The following SBF2 variants were observed in gnomAD, a reference collection of about 807,000 sequenced individuals.
The protein encoded by SBF2 is myotubularin-related protein 13.
In SBF2, 112 loss-of-function variants were observed where a neutral mutation model predicts 225.2. The ratio of observed to expected loss-of-function variants is 0.50; its 90% CI spans 0.43 to 0.58. The LOEUF is 0.58. Among genes scored for constraint, SBF2 ranks in the 20% least tolerant of loss-of-function variants. The probability of loss-of-function intolerance (pLI) is 0.00; values close to 1 mark genes in which losing one functional copy is unlikely to be tolerated. For missense variants in SBF2, 1,996 were observed against 2,206.2 expected (o/e 0.90, Z 1.91); for synonymous variants, 763 against 773.3 (o/e 0.99, Z 0.22).
At chr11:9,992,616 T>G (rs1361447587) in intron 11 of SBF2, 73 bp from the exon 12 acceptor site, 2 of 1,429,528 alleles carry the variant, frequency 1.4e-6, no homozygotes, top group African/African-American at 2.9e-5. Flanking sequence ...AGAAATACAA[T>G]AAAAAGATCA....
chr11:10,095,767 CTTTTAATCACACGTACTGA>C (rs1336046221), intron 2 of SBF2, among the ~76,000 whole-genome samples: 1 of 152,078 alleles, frequency 6.6e-6, no homozygotes, highest in Non-Finnish European at 1.5e-5. Context: ...ACACGTACTG[CTTTTAATCACACGTACTGA>C]TTTTAATCAC....
chr11:10,265,712 T>C (rs1200193353), intron 1 of SBF2, among the ~76,000 whole-genome samples: 1 of 152,028 alleles, frequency 6.6e-6, no homozygotes, highest in African/African-American at 2.4e-5. Flanking sequence ...TGAGACAGGG[T>C]CTCGCTCTGT....
intron 13 of SBF2, among the ~76,000 whole-genome samples, chr11:9,983,205 C>T (rs1303489088): frequency 6.6e-6 from 1 of 152,178 alleles, no homozygotes; most frequent in African/African-American, 2.4e-5. Flanking sequence ...GCCCGTCTTG[C>T]CCTCTGCCTG....
chr11:9,980,596 T>TC (rs903885068), intron 13 of SBF2, among the ~76,000 whole-genome samples: 1 of 152,146 alleles, frequency 6.6e-6, no homozygotes, highest in Admixed American at 6.5e-5. Flanking sequence ...AGAATTTTTT[T>TC]TTTTTTTTAA....
chr11:9,804,629 G>A (rs1344111641), intron 32 of SBF2, among the ~76,000 whole-genome samples: 1 of 152,146 alleles, frequency 6.6e-6, no homozygotes, highest in Admixed American at 6.5e-5. Context: ...CTGGTCCCAG[G>A]CAGTCACTGA....
rs191252079 is a variant in SBF2, at chr11:10,304,430, C to A, written n.386+62G>T. Among the ~76,000 whole-genome samples, 6 of 152,362 alleles carry A rather than the reference C, an allele frequency of 3.9e-5. No homozygotes were observed. The East Asian group carries it at 9.6e-4, about 24-fold the overall frequency. ...AATTCTGAAATTTCAGATAATTCCC[C>A]CCTCCAAATCCCAATTCTCAATTTA... On this transcript the variant is annotated intron_variant and non_coding_transcript_variant, in intron 1 of 5. Coordinates refer to the SBF2 transcript ENST00000685217.
chr11:10,235,968 G>C (rs1011433420), intron 1 of SBF2, among the ~76,000 whole-genome samples: 2 of 152,118 alleles, frequency 1.3e-5, no homozygotes, highest in African/African-American at 4.8e-5. Context: ...CTACTCAGGA[G>C]GCTGAGATAG....
intron 2 of SBF2, among the ~76,000 whole-genome samples, chr11:10,175,192 C>T (rs1302749396): frequency 6.6e-6 from 1 of 151,028 alleles, no homozygotes; most frequent in Non-Finnish European, 1.5e-5. Context: ...GGACTAAATG[C>T]TCCAATTAAA....
chr11:10,121,972 T>A (rs1322742016), intron 2 of SBF2, among the ~76,000 whole-genome samples: 1 of 152,212 alleles, frequency 6.6e-6, no homozygotes, highest in Non-Finnish European at 1.5e-5. Flanking sequence ...TTACAGGGTT[T>A]GTGTTCAAGT....
intron 1 of SBF2, among the ~76,000 whole-genome samples, chr11:10,208,614 C>A (rs1957826281): frequency 6.6e-6 from 1 of 152,016 alleles, no homozygotes; most frequent in African/African-American, 2.4e-5. Flanking sequence ...AAAAAAGAAG[C>A]TGTTTTTTGG....
In SBF2 at chr11:10,272,374, T is replaced by C. The variant is rs558735573; in HGVS notation, c.55+21641A>G. On this transcript the variant is annotated intron_variant, in intron 1 of 39. Transcript: ENST00000256190. ...TGCTAGTTACCAGTTACTCACACAA[T>C]TTCCTTAAGTCTTGCAACAATTTCT... is the stretch of plus-strand genomic sequence containing the variant. 3.2e-4 allele frequency: 167 copies of C among 527,950 alleles called. 25 individuals are homozygous for C. In the Admixed American group the frequency reaches 3.4e-3, roughly 11 times the overall value. 32.7% of individuals were successfully genotyped at this position (527,950 alleles called of 1,614,324 possible).
At chr11:9,894,474 G>A (rs977208596) in intron 17 of SBF2, among the ~76,000 whole-genome samples, 11 of 151,562 alleles carry the variant, frequency 7.3e-5, no homozygotes, top group Middle Eastern at 3.2e-3. Context: ...CTGAAATCGC[G>A]CCACTACACT....
In SBF2 at chr11:9,989,558, T is replaced by C; in HGVS notation, c.1334A>G (p.Glu445Gly). The C allele has an allele frequency of 6.2e-7, 1 of 1,610,876 alleles. No homozygotes were observed. Among genetic ancestry groups the C allele is most frequent in the South Asian group, 1.1e-5 (1 of 90,726 alleles). ...AFEVERIKVE[E>G]NNPVKMIKHV... is the part of the protein sequence containing the mutation. Reference sequence around the variant, plus strand: ...CTTTATCATCTTCACTGGGTTATTTTCTTCAACTTTAATTCTCTCTACTTC... The same window carrying C: ...CTTTATCATCTTCACTGGGTTATTTCCTTCAACTTTAATTCTCTCTACTTC... The change falls in exon 13 of 40, where the codon GAA becomes GGA. Residue 445 changes from glutamate to glycine, a missense_variant. Glu to Gly is a moderately conservative substitution (Grantham distance 98, BLOSUM62 -2). Coordinates refer to ENST00000256190, the MANE Select transcript of SBF2 (RefSeq NM_030962.4).
intron 2 of SBF2, among the ~76,000 whole-genome samples, chr11:10,114,221 T>G: frequency 6.6e-6 from 1 of 152,234 alleles, no homozygotes. Context: ...TATAACATAA[T>G]AAGTGCTCAA....
At position 9,840,007 on chromosome 11, in the gene SBF2, G is replaced by C. The variant is rs544951241; in HGVS notation, c.3257-311C>G. On this transcript the variant is annotated intron_variant, in intron 25 of 39. Coordinates refer to ENST00000256190, the MANE Select transcript of SBF2 (RefSeq NM_030962.4). Reference sequence around the variant, plus strand: ...ATCCCAGCACTGGGAGGCTGAGGTGGGCGGATCACAAGGTCAGGAGTTCGA... The same window carrying C: ...ATCCCAGCACTGGGAGGCTGAGGTGCGCGGATCACAAGGTCAGGAGTTCGA... 3.3e-5 allele frequency among the ~76,000 whole-genome samples: 5 copies of C among 152,316 alleles called. No homozygotes were observed. In the South Asian group the frequency reaches 1.0e-3, roughly 32 times the overall value.
chr11:10,271,730 C>T (rs2135538133), intron 1 of SBF2, among the ~76,000 whole-genome samples: 1 of 115,374 alleles, frequency 8.7e-6, no homozygotes, highest in East Asian at 2.2e-4. Flanking sequence ...ACATGATATT[C>T]CAGGTATAGA....
At chr11:9,781,814 G>A (rs1852027030) in intron 38 of SBF2, among the ~76,000 whole-genome samples, 176 bp from the exon 39 acceptor site, 6 of 152,144 alleles carry the variant, frequency 3.9e-5, no homozygotes, top group Admixed American at 3.9e-4. Context: ...AGAACTAGGT[G>A]GCTTGGAGAA....
chr11:10,029,720 G>A (rs775088536), intron 5 of SBF2, 45 bp downstream of exon 5: 2 of 1,149,016 alleles, frequency 1.7e-6, no homozygotes, highest in Non-Finnish European at 2.6e-6. Flanking sequence ...GGAGGAGAGG[G>A]GAAGAGGAAC....
intron 16 of SBF2, among the ~76,000 whole-genome samples, chr11:9,918,602 C>G (rs1310166151): frequency 1.3e-5 from 2 of 152,166 alleles, no homozygotes; most frequent in Non-Finnish European, 2.9e-5. Context: ...AATTCCTGGG[C>G]TCATATGATC....
Sources: gnomAD v4.1 joint callset for allele counts (sites outside exome capture counted in the v4.1 genomes callset) on GRCh38, gnomAD v4.1.1 for gene constraint, MANE v1.5 for transcripts, NCBI Gene and HGNC (gene_info 2026-07-23, HGNC 2026-07-21) for gene names.